ADAM22: variants seen among roughly 807,000 people sequenced by gnomAD.
ADAM22 encodes ADAM metallopeptidase domain 22.
In ADAM22, 65 loss-of-function variants were observed where a neutral mutation model predicts 144.6. The ratio of observed to expected loss-of-function variants is 0.45; its 90% CI spans 0.37 to 0.55. ADAM22 has a LOEUF of 0.55. ADAM22 is among the 20% of genes least tolerant of loss of function. ADAM22 has a pLI of 0.00. For synonymous variants in ADAM22, 391 were observed against 412.6 expected, an observed-to-expected ratio of 0.95 and a Z score of 0.63; for missense variants, 974 against 1,184.9, an observed-to-expected ratio of 0.82 and a Z score of 2.61.
intron 25 of ADAM22, 33 bp downstream of exon 25, chr7:88,168,260 A>G: frequency 6.4e-7 from 1 of 1,569,886 alleles, no homozygotes; most frequent in Non-Finnish European, 8.8e-7. Flanking sequence ...GTTACTATTG[A>G]AATATACTTC....
chr7:88,161,134 C>A (rs1841503094), intron 22 of ADAM22, among the ~76,000 whole-genome samples: 1 of 150,012 alleles, frequency 6.7e-6, no homozygotes, highest in Admixed American at 6.7e-5. Context: ...AAAAAACCAA[C>A]CCCCCCACCC....
intron 4 of ADAM22, among the ~76,000 whole-genome samples, chr7:88,104,407 C>T (rs897830725): frequency 6.6e-6 from 1 of 152,072 alleles, no homozygotes; most frequent in Non-Finnish European, 1.5e-5. Flanking sequence ...AAGGCATCTA[C>T]AGCTTGAATA....
chr7:87,982,700 A>ATATATATATATT (rs1853955774), intron 3 of ADAM22, among the ~76,000 whole-genome samples: 1 of 56,080 alleles, frequency 1.8e-5, no homozygotes, highest in Admixed American at 2.4e-4. Flanking sequence ...TATATATATA[A>ATATATATATATT]TTTTTTTTTT....
chr7:88,088,699 A>T (rs1459117697), intron 4 of ADAM22, among the ~76,000 whole-genome samples: 4 of 152,172 alleles, frequency 2.6e-5, no homozygotes, highest in African/African-American at 9.6e-5. Context: ...CCTCTTCTAG[A>T]TTTCCCCGCA....
At chr7:87,937,604 C>T (rs1841545559) in intron 2 of ADAM22, among the ~76,000 whole-genome samples, 1 of 152,138 alleles carries the variant, frequency 6.6e-6, no homozygotes, top group Non-Finnish European at 1.5e-5. Context: ...GAGGTCAGTC[C>T]TCCTTTTCTC....
intron 3 of ADAM22, among the ~76,000 whole-genome samples, chr7:88,052,439 G>T (rs1014434744): frequency 1.3e-5 from 2 of 151,490 alleles, no homozygotes; most frequent in Admixed American, 6.6e-5. Context: ...GGCGTAACTT[G>T]CAGTCAGCGG....
chr7:88,008,727 A>C (rs900970679), intron 3 of ADAM22, among the ~76,000 whole-genome samples: 1 of 151,854 alleles, frequency 6.6e-6, no homozygotes, highest in African/African-American at 2.4e-5. Flanking sequence ...AGGAAGGGGA[A>C]CATCACACTC....
chr7:87,937,862 G>A (rs1841600341), intron 2 of ADAM22, among the ~76,000 whole-genome samples: 1 of 152,170 alleles, frequency 6.6e-6, no homozygotes, highest in African/African-American at 2.4e-5. Context: ...ATTACAAAAC[G>A]TTATCCCAGT....
At chr7:88,133,236 G>A (rs569944109) in intron 12 of ADAM22, among the ~76,000 whole-genome samples, 3 of 151,996 alleles carry the variant, frequency 2.0e-5, no homozygotes, top group East Asian at 3.9e-4. Flanking sequence ...GGTAGCGTGT[G>A]CCTGTAGCCC....
intron 3 of ADAM22, among the ~76,000 whole-genome samples, chr7:88,010,046 A>G (rs1315780718): frequency 4.6e-5 from 7 of 151,350 alleles, no homozygotes; most frequent in African/African-American, 1.7e-4. Context: ...TTTTTCAAAT[A>G]TAAATAGAAC....
intron 3 of ADAM22, among the ~76,000 whole-genome samples, chr7:87,995,188 C>T (rs1171468468): frequency 6.6e-6 from 1 of 152,184 alleles, no homozygotes; most frequent in East Asian, 1.9e-4. Context: ...ATCCTTCCCT[C>T]TGCAAAAATG....
intron 3 of ADAM22, among the ~76,000 whole-genome samples, chr7:88,019,198 G>A (rs1460605920): frequency 6.6e-6 from 1 of 152,200 alleles, no homozygotes; most frequent in Admixed American, 6.5e-5. Context: ...GCTAGGCCAG[G>A]TGTCATGGCT....
chr7:88,115,868 A>G (rs764677093), intron 6 of ADAM22, among the ~76,000 whole-genome samples: 1 of 152,246 alleles, frequency 6.6e-6, no homozygotes, highest in Non-Finnish European at 1.5e-5. Flanking sequence ...TAGCTGAAAC[A>G]TTCATTTCCC....
chr7:87,979,839 T>G (rs1399233628), intron 3 of ADAM22, among the ~76,000 whole-genome samples: 3 of 152,162 alleles, frequency 2.0e-5, no homozygotes, highest in South Asian at 2.1e-4. Context: ...TTCTGAAAGC[T>G]GCATGTAGAT....
intron 2 of ADAM22, among the ~76,000 whole-genome samples, chr7:87,974,974 A>G (rs1267609843): frequency 1.3e-5 from 2 of 152,206 alleles, no homozygotes; most frequent in Non-Finnish European, 2.9e-5. Flanking sequence ...TCATGTAATT[A>G]GATTGAGCCC....
At chr7:87,935,299 G>A in intron 2 of ADAM22, 113 bp downstream of exon 2, 1 of 1,242,898 alleles carries the variant, frequency 8.0e-7, no homozygotes, top group Non-Finnish European at 1.1e-6. Context: ...AAATGAGTTG[G>A]GTCCCGATGC....
At chr7:87,977,539 C>G (rs1328446835) in intron 2 of ADAM22, among the ~76,000 whole-genome samples, 1 of 152,152 alleles carries the variant, frequency 6.6e-6, no homozygotes, top group East Asian at 1.9e-4. Context: ...ATTTGGAGTC[C>G]TACTGTTTGG....
At chr7:87,979,781 A>C (rs1852856051) in intron 3 of ADAM22, among the ~76,000 whole-genome samples, 2 of 152,154 alleles carry the variant, frequency 1.3e-5, no homozygotes, top group South Asian at 4.1e-4. Flanking sequence ...GATGACTAGG[A>C]GAGGAAGAGT....
intron 4 of ADAM22, among the ~76,000 whole-genome samples, chr7:88,077,303 CTT>C (rs1287728514): frequency 1.3e-5 from 2 of 152,078 alleles, no homozygotes; most frequent in Non-Finnish European, 2.9e-5. Context: ...TAAAAGAAAA[CTT>C]TTCATTATGG....
Sources: gnomAD v4.1 joint callset for allele counts (sites outside exome capture counted in the v4.1 genomes callset) on GRCh38, gnomAD v4.1.1 for gene constraint, MANE v1.5 for transcripts, NCBI Gene and HGNC (gene_info 2026-07-23, HGNC 2026-07-21) for gene names.